Variants in MAGI2 observed in about 807,000 individuals in gnomAD.
MAGI2 encodes the protein membrane-associated guanylate kinase, WW and PDZ domain-containing protein 2.
Under a neutral mutation model 133.3 loss-of-function variants are expected in MAGI2, and 35 were observed. The observed-to-expected ratio is 0.26, with a 90% CI of 0.20 to 0.35. The LOEUF (loss-of-function observed/expected upper bound fraction) is 0.35, where lower values mean the gene tolerates loss of function less well. MAGI2 is among the 10% of genes least tolerant of loss of function. The pLI is 1.00. For synonymous variants in MAGI2, 729 were observed against 710.6 expected (o/e 1.03, Z -0.41); for missense variants, 1,636 against 1,863.4 (o/e 0.88, Z 2.25).
chr7:78,171,853 T>G (rs2150659146), intron 14 of MAGI2, among the ~76,000 whole-genome samples: 1 of 152,200 alleles, frequency 6.6e-6, no homozygotes, highest in South Asian at 2.1e-4. Flanking sequence ...ACTATTCAGT[T>G]TTCTCTTCTC....
chr7:79,377,485 C>T (rs1843458684), intron 1 of MAGI2, among the ~76,000 whole-genome samples: 1 of 151,802 alleles, frequency 6.6e-6, no homozygotes, highest in African/African-American at 2.4e-5. Context: ...AATAATGATA[C>T]TTCTGAATAC....
intron 2 of MAGI2, among the ~76,000 whole-genome samples, chr7:78,724,635 T>G (rs549749237): frequency 6.6e-6 from 1 of 152,316 alleles, no homozygotes; most frequent in Admixed American, 6.5e-5. Context: ...AAAGGTTGCC[T>G]GCTCCTGTGT....
chr7:78,950,588 A>G (rs1394030603), intron 2 of MAGI2, among the ~76,000 whole-genome samples: 2 of 152,104 alleles, frequency 1.3e-5, no homozygotes, highest in Non-Finnish European at 2.9e-5. Context: ...GTAAATGCCT[A>G]TATTTTTCAA....
At chr7:78,998,797 T>C (rs1169819376) in intron 2 of MAGI2, among the ~76,000 whole-genome samples, 1 of 152,148 alleles carries the variant, frequency 6.6e-6, no homozygotes, top group Non-Finnish European at 1.5e-5. Context: ...TTCAGCAATG[T>C]AATCATCTAA....
rs550240007 is a variant in MAGI2, at chr7:78,145,029, T to C, written c.2846-9823A>G. 1.7e-4 allele frequency among the ~76,000 whole-genome samples: 26 copies of C among 152,262 alleles called. No homozygotes were observed. The South Asian group carries it at 5.4e-3, about 32-fold the overall frequency. ...TTCACTCTTTCATTTTGTTGAAGCA[T>C]ATCCTACAGCAGCTTTCTAAGAAAT... On this transcript the variant is annotated intron_variant, in intron 16 of 21. Coordinates refer to ENST00000354212, the MANE Select transcript of MAGI2 (RefSeq NM_012301.4).
intron 1 of MAGI2, among the ~76,000 whole-genome samples, chr7:79,155,731 A>G (rs1002144001): frequency 5.9e-5 from 9 of 152,154 alleles, no homozygotes; most frequent in African/African-American, 1.7e-4. Flanking sequence ...AAGAAGGCCA[A>G]TGCCAAAGTG....
chr7:78,303,153 G>C (rs527428826), intron 9 of MAGI2, among the ~76,000 whole-genome samples: 1 of 152,122 alleles, frequency 6.6e-6, no homozygotes, highest in African/African-American at 2.4e-5. Flanking sequence ...CAAGGTGGGT[G>C]GATCATCTGA....
At chr7:78,809,854 A>AT (rs1788892814) in intron 2 of MAGI2, among the ~76,000 whole-genome samples, 1 of 152,178 alleles carries the variant, frequency 6.6e-6, no homozygotes, top group African/African-American at 2.4e-5. Flanking sequence ...CAGAAATATG[A>AT]TTTTCAATCT....
In MAGI2 at chr7:78,489,747, A is replaced by G. The variant is rs924721641; in HGVS notation, c.1045+14T>C. 1 of 1,597,586 alleles carries G rather than the reference A, an allele frequency of 6.3e-7. No homozygotes were observed. Among genetic ancestry groups the G allele is most frequent in the Middle Eastern group, 1.7e-4 (1 of 5,990 alleles). ...AGCACATTGCTGAAACACCATAAAA[A>G]CTTAATAACCTACCATTTTCTTTGC... is the stretch of plus-strand genomic sequence containing the variant. On this transcript the variant is annotated intron_variant, in intron 6 of 21. Transcript: ENST00000354212.
intron 1 of MAGI2, among the ~76,000 whole-genome samples, chr7:79,380,263 A>C (rs1843686903): frequency 6.6e-6 from 1 of 151,884 alleles, no homozygotes; most frequent in South Asian, 2.1e-4. Flanking sequence ...CAAAGGGCTA[A>C]TATCCAGAAT....
intron 2 of MAGI2, among the ~76,000 whole-genome samples, chr7:78,892,814 C>T (rs1796878095): frequency 6.6e-6 from 1 of 152,082 alleles, no homozygotes; most frequent in African/African-American, 2.4e-5. Context: ...AGGACATAGG[C>T]ATGGGCAAGG....
intron 1 of MAGI2, among the ~76,000 whole-genome samples, chr7:79,233,761 G>A (rs1316392694): frequency 1.4e-3 from 137 of 95,222 alleles, no homozygotes; most frequent in East Asian, 6.6e-3. Flanking sequence ...TTGCCAGTCT[G>A]TGTCTTTTAA....
chr7:78,995,808 A>G (rs1806231975), intron 2 of MAGI2, among the ~76,000 whole-genome samples: 1 of 151,954 alleles, frequency 6.6e-6, no homozygotes. Flanking sequence ...TCTGTTACAG[A>G]GCTGCTTTCA....
chr7:79,086,659 G>A (rs892981263), intron 1 of MAGI2, among the ~76,000 whole-genome samples: 3 of 151,556 alleles, frequency 2.0e-5, no homozygotes, highest in African/African-American at 4.8e-5. Context: ...ATGTGATCTC[G>A]CTTTCTTATT....
At chr7:78,570,178 A>G (rs1453621872) in intron 3 of MAGI2, among the ~76,000 whole-genome samples, 3 of 152,168 alleles carry the variant, frequency 2.0e-5, no homozygotes, top group Non-Finnish European at 4.4e-5. Flanking sequence ...CAGGGTAGAC[A>G]TATGTTCAGC....
At chr7:78,134,963 C>G (rs1047001269) in intron 17 of MAGI2, 58 bp downstream of exon 17, 1 of 1,512,582 alleles carries the variant, frequency 6.6e-7, no homozygotes. Context: ...GCTGAGAACA[C>G]CCGGTGAGTG....
intron 2 of MAGI2, among the ~76,000 whole-genome samples, chr7:78,768,924 G>T (rs1278963952): frequency 6.6e-6 from 1 of 152,004 alleles, no homozygotes; most frequent in Admixed American, 6.5e-5. Flanking sequence ...AACCGATTTC[G>T]CACACCCCCA....
intron 2 of MAGI2, among the ~76,000 whole-genome samples, chr7:78,752,060 G>T (rs1202026588): frequency 6.6e-6 from 1 of 152,140 alleles, no homozygotes; most frequent in Non-Finnish European, 1.5e-5. Flanking sequence ...CTAGAATTTG[G>T]GCTTGTGTTA....
intron 21 of MAGI2, among the ~76,000 whole-genome samples, chr7:78,070,218 T>TATATATATATATAC (rs1453553515): frequency 1.9e-5 from 1 of 52,280 alleles, no homozygotes; most frequent in African/African-American, 4.7e-5. Flanking sequence ...TATATATATA[T>TATATATATATATAC]ACACACACAC....
Sources: allele counts gnomAD v4.1 joint callset (sites outside exome capture counted in the v4.1 genomes callset), GRCh38; gene constraint gnomAD v4.1.1; transcripts MANE v1.5; gene names NCBI Gene and HGNC (gene_info 2026-07-23, HGNC 2026-07-21).